The following SLIT1 variants were observed in gnomAD, a reference collection of about 807,000 sequenced individuals.
The protein encoded by SLIT1 is slit guidance ligand 1, also known as slit homolog 1 protein.
A neutral mutation model predicts 186.1 loss-of-function variants in SLIT1; 66 were observed. That is an observed-to-expected ratio of 0.35 (90% CI 0.29 to 0.44). SLIT1 has a LOEUF of 0.44. Among genes scored for constraint, SLIT1 ranks in the 20% least tolerant of loss-of-function variants. The pLI is 1.00. For missense variants in SLIT1, 1,638 were observed against 2,037.4 expected (o/e 0.80, Z 3.77); for synonymous variants, 761 against 833.8 (o/e 0.91, Z 1.50).
intron 4 of SLIT1, among the ~76,000 whole-genome samples, chr10:97,089,178 A>G (rs2805602): frequency 0.97 from 148,013 of 152,288 alleles, 72,087 homozygotes; most frequent in Middle Eastern, 1. Flanking sequence ...GTCCAGAGCC[A>G]GGAGACCAAT....
rs1215773999 is a variant in SLIT1 at position 97,063,499 on chromosome 10, C to T, written c.749G>A (p.Gly250Asp). ...TQCSGPASLR[G>D]LNVAEVQKSE... ...CTTCTGGACCTCTGCCACATTGAGGCCACGCAGGCTGGCTGGGCCCGAGCA... is the reference window on the plus strand; with the variant it reads ...CTTCTGGACCTCTGCCACATTGAGGTCACGCAGGCTGGCTGGGCCCGAGCA... Residue 250 changes from glycine to aspartate, a missense_variant, in exon 8 of 37, where the codon GGC becomes GAC. Gly to Asp is a moderately conservative substitution (Grantham distance 94). This residue lies in a region of SLIT1 where 1,245 missense variants were observed against 1,535.3 expected (regional missense o/e 0.81). Transcript: ENST00000266058. The T allele has an allele frequency of 6.2e-7, 1 of 1,613,096 alleles. No homozygotes were observed. Among genetic ancestry groups the T allele is most frequent in the Non-Finnish European group, 8.5e-7 (1 of 1,179,970 alleles).
In SLIT1 at chr10:97,023,263, G is replaced by A. The variant is rs145185510; in HGVS notation, c.2583-1850C>T. 2.3e-3 allele frequency among the ~76,000 whole-genome samples: 340 copies of A among 145,736 alleles called. 6 individuals are homozygous for A. The highest frequency in any genetic ancestry group is 8.3e-3 in the African/African-American group (323 of 38,988). On this transcript the variant is annotated intron_variant, in intron 25 of 36. Coordinates refer to ENST00000266058, the MANE Select transcript of SLIT1 (RefSeq NM_003061.3). ...TATTTTTAGTAGAGATGGAGGTGTC[G>A]CCAAGTTGGCCAGTCTGGTCTCAAA...
intron 4 of SLIT1, among the ~76,000 whole-genome samples, chr10:97,081,698 G>A (rs1849106585): frequency 6.6e-6 from 1 of 152,216 alleles, no homozygotes. Flanking sequence ...CAGGCAGGCA[G>A]AAACACAGAG....
intron 3 of SLIT1, among the ~76,000 whole-genome samples, chr10:97,163,074 A>G (rs1167758148): frequency 6.6e-6 from 1 of 152,236 alleles, no homozygotes; most frequent in East Asian, 1.9e-4. Context: ...ATGAGATGAC[A>G]GGAAGAAATG....
chr10:97,139,907 G>A (rs573249277), intron 4 of SLIT1, among the ~76,000 whole-genome samples: 93 of 152,242 alleles, frequency 6.1e-4, no homozygotes, highest in South Asian at 4.3e-3. Context: ...CCAACCACGG[G>A]GTCTCAGCAA....
intron 20 of SLIT1, 74 bp from the exon 21 acceptor site, chr10:97,040,194 T>C: frequency 1.4e-6 from 2 of 1,417,510 alleles, no homozygotes; most frequent in Non-Finnish European, 9.3e-7. Context: ...GTCAGGGCCA[T>C]GCTCTGGGGC....
At chr10:97,146,373 A>G (rs1485447042) in intron 4 of SLIT1, among the ~76,000 whole-genome samples, 1 of 152,146 alleles carries the variant, frequency 6.6e-6, no homozygotes, top group African/African-American at 2.4e-5. Context: ...CCTACCATGT[A>G]CAAGTCATCA....
Position 97,004,209 on chromosome 10 carries a change from T to G in SLIT1, c.3724A>C (p.Asn1242His). 6.2e-7 allele frequency: 1 copy of G among 1,609,642 alleles called. No individual in the cohort carries two copies. Among genetic ancestry groups the G allele is most frequent in the Non-Finnish European group, 8.5e-7 (1 of 1,176,188 alleles). The change falls in exon 34 of 37, where the codon AAC becomes CAC. Residue 1242 changes from asparagine to histidine, a missense_variant. By Grantham distance (68) the Asn-to-His change is moderately conservative. Coordinates refer to ENST00000266058, the MANE Select transcript of SLIT1 (RefSeq NM_003061.3). This position sits in a 1 kb window ranked among gnomAD's most constrained non-coding sequence, Gnocchi z 5.1. The part of the protein sequence containing the change: ...SSAIYSAETI[N>H]DGQFHTVELV... ...TCAACGGTGTGGAATTGCCCATCGT[T>G]GATCGTCTCAGCACTGGAGGAAGAG... is the stretch of plus-strand genomic sequence containing the variant.
rs1198532998 is a variant in SLIT1 at position 97,006,685 on chromosome 10, G to A, written c.3377C>T (p.Ala1126Val). The stretch of plus-strand genomic sequence containing the variant: ...AGTCCCCTCACAGGGGCTCTTGGGG[G>A]CAGGCAGATGGGGAGGGATCTCACA... ...QLCEIPPHLPAPKSPCEGTEC... is the reference protein window; with the variant it reads ...QLCEIPPHLPVPKSPCEGTEC... The change falls in exon 32 of 37, where the codon GCC becomes GTC. Residue 1126 changes from alanine (A) to valine (V), a missense_variant. Physicochemically the swap from Ala to Val is moderately conservative, Grantham distance 64. Coordinates refer to ENST00000266058, the MANE Select transcript of SLIT1 (RefSeq NM_003061.3). The surrounding 1 kb of genome is among the most constrained non-coding windows in gnomAD (Gnocchi z 4.0). 2.5e-6 allele frequency: 4 copies of A among 1,613,942 alleles called. No homozygotes were observed. Among genetic ancestry groups the A allele is most frequent in the Non-Finnish European group, 3.4e-6 (4 of 1,179,956 alleles).
intron 4 of SLIT1, among the ~76,000 whole-genome samples, chr10:97,136,250 G>A (rs1169405756): frequency 1.3e-5 from 2 of 152,142 alleles, no homozygotes; most frequent in Non-Finnish European, 1.5e-5. Context: ...CTGTACCCGT[G>A]GGAGGGCAGG....
chr10:97,130,792 C>A (rs1344862432), intron 4 of SLIT1, among the ~76,000 whole-genome samples: 1 of 152,158 alleles, frequency 6.6e-6, no homozygotes. Flanking sequence ...TAGAACATCA[C>A]GAGGCGCATA....
chr10:97,016,275 CTCCAGCCTGGGTGACAGAGCGAGACTCTG>C (rs1848454424), intron 28 of SLIT1, among the ~76,000 whole-genome samples: 1 of 151,842 alleles, frequency 6.6e-6, no homozygotes, highest in South Asian at 2.1e-4. Context: ...CGCCACTGCA[CTCCAGCCTGGGTGACAGAGCGAGACTCTG>C]TCTCAAAAAA....
intron 4 of SLIT1, among the ~76,000 whole-genome samples, chr10:97,151,482 G>A (rs1034997628): frequency 1.3e-5 from 2 of 151,808 alleles, no homozygotes; most frequent in Non-Finnish European, 2.9e-5. Flanking sequence ...CAGGAGTAGG[G>A]AGAGAGATGG....
intron 4 of SLIT1, among the ~76,000 whole-genome samples, chr10:97,089,703 G>A (rs1849209648): frequency 6.6e-6 from 1 of 152,122 alleles, no homozygotes; most frequent in African/African-American, 2.4e-5. Flanking sequence ...GGGGGAGTAG[G>A]CTGAGGGATC....
In SLIT1 at chr10:97,019,043, C is replaced by G. The variant is rs1430807258; in HGVS notation, c.2811G>C (p.Gln937His). The G allele has an allele frequency of 6.2e-7, 1 of 1,613,940 alleles. No individual in the cohort carries two copies. Among genetic ancestry groups the G allele is most frequent in the Non-Finnish European group, 8.5e-7 (1 of 1,179,986 alleles). The change falls in exon 27 of 37, where the codon CAG (glutamine) becomes CAC (histidine). Residue 937 changes from glutamine to histidine, a missense_variant. This residue lies in a region of SLIT1 where 1,245 missense variants were observed against 1,535.3 expected (regional missense o/e 0.81). Transcript: ENST00000266058. ...CAAGGGGGTCGTTGTGGCAGGTGCC[C>G]TGGTTCTGGCACGGACTGGACAAGC... ...DLCLSSPCQN[Q>H]GTCHNDPLEV... is the part of the protein sequence containing the mutation.
At chr10:97,104,457 A>G (rs1216105185) in intron 4 of SLIT1, among the ~76,000 whole-genome samples, 1 of 152,134 alleles carries the variant, frequency 6.6e-6, no homozygotes, top group Admixed American at 6.5e-5. Flanking sequence ...CATGCCTTGC[A>G]TGTAGTAAGT....
chr10:97,023,807 G>A (rs1035064559), intron 25 of SLIT1, among the ~76,000 whole-genome samples: 7 of 152,184 alleles, frequency 4.6e-5, no homozygotes, highest in African/African-American at 1.7e-4. Flanking sequence ...GCCGGGTGTG[G>A]TGGCACATGC....
intron 4 of SLIT1, among the ~76,000 whole-genome samples, chr10:97,081,132 C>T (rs546908193): frequency 4.6e-5 from 7 of 152,182 alleles, no homozygotes; most frequent in Non-Finnish European, 8.8e-5. Flanking sequence ...CGGTTGAGGA[C>T]CAGGGGTGGG....
At chr10:97,129,493 C>T (rs1006063930) in intron 4 of SLIT1, among the ~76,000 whole-genome samples, 2 of 152,196 alleles carry the variant, frequency 1.3e-5, no homozygotes, top group African/African-American at 2.4e-5. Context: ...CAGTTAGGAC[C>T]CACAAATGTT....
Sources: gnomAD v4.1 joint callset for allele counts (sites outside exome capture counted in the v4.1 genomes callset) on GRCh38, gnomAD v4.1.1 for gene constraint, gnomAD v4.1.1 regional missense constraint, Gnocchi (gnomAD v3.1) non-coding constraint, MANE v1.5 for transcripts, NCBI Gene and HGNC (gene_info 2026-07-23, HGNC 2026-07-21) for gene names.